The following PCDHGA5 variants were observed in gnomAD, a reference collection of about 807,000 sequenced individuals.
PCDHGA5 encodes protocadherin gamma subfamily A, 5.
In PCDHGA5, 36 loss-of-function variants were observed where a neutral mutation model predicts 56.7. That is an observed-to-expected ratio of 0.64 (90% CI 0.49 to 0.84). The LOEUF (loss-of-function observed/expected upper bound fraction) is 0.84, where lower values mean the gene tolerates loss of function less well. PCDHGA5 is among the 40% of genes least tolerant of loss of function. The probability of loss-of-function intolerance (pLI) is 0.00; values close to 1 mark genes in which losing one functional copy is unlikely to be tolerated. For synonymous variants in PCDHGA5, 563 were observed against 520.2 expected (o/e 1.08, Z -1.12); for missense variants, 1,305 against 1,201.5 (o/e 1.09, Z -1.27).
intron 1 of PCDHGA5, chr5:141,433,250 G>A: frequency 1.4e-6 from 2 of 1,440,892 alleles, no homozygotes; most frequent in Non-Finnish European, 1.9e-6. Flanking sequence ...CTGGAATGCA[G>A]CGGTACGATC....
At chr5:141,415,023 C>A (rs1213037511) in intron 1 of PCDHGA5, 1 of 1,613,530 alleles carries the variant, frequency 6.2e-7, no homozygotes, top group East Asian at 2.2e-5. Flanking sequence ...TCAAGGCCAG[C>A]GAGCCGGGAC....
intron 1 of PCDHGA5, chr5:141,392,144 A>G (rs1172213450): frequency 6.6e-6 from 1 of 152,224 alleles, no homozygotes; most frequent in Admixed American, 6.5e-5. Flanking sequence ...AGTAGTTTAA[A>G]CCAAATAAAA....
intron 1 of PCDHGA5, among the ~76,000 whole-genome samples, chr5:141,467,414 C>A (rs1410743140): frequency 6.6e-5 from 10 of 152,168 alleles, no homozygotes; most frequent in African/African-American, 1.2e-4. Flanking sequence ...CCTTTCCCCA[C>A]ACCTAGGTTA....
intron 3 of PCDHGA5, among the ~76,000 whole-genome samples, chr5:141,510,147 C>T (rs1416633745): frequency 1.3e-5 from 2 of 151,984 alleles, no homozygotes; most frequent in Non-Finnish European, 2.9e-5. Flanking sequence ...GTGGTGTGCA[C>T]CTGTAATCTC....
chr5:141,444,350 T>C (rs1021358194), intron 1 of PCDHGA5, among the ~76,000 whole-genome samples: 7 of 151,946 alleles, frequency 4.6e-5, no homozygotes, highest in Admixed American at 2.0e-4. Context: ...TTTGTATTTT[T>C]AGTAGAGACG....
chr5:141,374,273 G>A, intron 1 of PCDHGA5: 1 of 1,614,012 alleles, frequency 6.2e-7, no homozygotes, highest in South Asian at 1.1e-5. Flanking sequence ...GGAGCACGGA[G>A]TCCGCATCGT....
rs1158935683 is a variant in PCDHGA5, at chr5:141,365,482, C to T, written c.1152C>T (p.Cys384=). The change falls in exon 1 of 4, where the codon TGC becomes TGT. Residue 384 remains cysteine, a synonymous_variant. Transcript: ENST00000518069. The stretch of plus-strand genomic sequence containing the variant: ...CTGGAGAAAATGGTGAGATTGCATG[C>T]TCTATTCCTAGGAATTTGCCTTTTA... ...GDSGENGEIA[C]SIPRNLPFKL... is the part of the protein sequence containing the mutation. 2 of 1,613,836 alleles carry T rather than the reference C, an allele frequency of 1.2e-6. No individual in the cohort carries two copies. Among genetic ancestry groups the T allele is most frequent in the Non-Finnish European group, 1.7e-6 (2 of 1,179,894 alleles).
At chr5:141,495,213 C>T (rs568314100) in intron 2 of PCDHGA5, among the ~76,000 whole-genome samples, 1 of 152,326 alleles carries the variant, frequency 6.6e-6, no homozygotes, top group South Asian at 2.1e-4. Flanking sequence ...AACCCCCTCC[C>T]CTGAGTTGAG....
At chr5:141,398,396 T>A (rs1191920974) in intron 1 of PCDHGA5, 1 of 1,465,660 alleles carries the variant, frequency 6.8e-7, no homozygotes, top group South Asian at 1.2e-5. Flanking sequence ...AGCAGCAGGC[T>A]AGACAGGGAG....
At position 141,510,965 on chromosome 5, in the gene PCDHGA5, C is replaced by T. The variant is rs1473736492; in HGVS notation, c.2588C>T (p.Ser863Phe). The T allele has an allele frequency of 3.1e-6, 5 of 1,614,026 alleles. No homozygotes were observed. The highest frequency in any genetic ancestry group is 4.2e-6 in the Non-Finnish European group (5 of 1,180,020). The change falls in exon 4 of 4, where the codon TCC becomes TTC. Residue 863 changes from serine (S) to phenylalanine (F), a missense_variant. Transcript: ENST00000518069. ...TCTGCAGAAGCTGCTGATGGGAGCT[C>T]CACCCTGGGAGGGGGTGCCGGCACC... ...ASASEAADGS[S>F]TLGGGAGTMG...
At chr5:141,410,430 A>G in intron 1 of PCDHGA5, 1 of 1,613,976 alleles carries the variant, frequency 6.2e-7, no homozygotes, top group Middle Eastern at 1.6e-4. Context: ...CCCCCCAACT[A>G]CAGTGAGGGG....
At position 141,489,295 on chromosome 5, in the gene PCDHGA5, T is replaced by C. The variant is rs2099685128; in HGVS notation, c.2422-5512T>C. 1.3e-6 allele frequency: 2 copies of C among 1,581,054 alleles called. No individual in the cohort carries two copies. The highest frequency in any genetic ancestry group is 1.7e-5 in the Admixed American group (1 of 57,148). ...TGGGAAATGGCAAGTGCTGTGCATG[T>C]TGTCCTTGTGCTGCTGGGGCTGGGT... On this transcript the variant is annotated intron_variant, in intron 1 of 3. Transcript: ENST00000518069. The surrounding 1 kb of genome is among the most constrained non-coding windows in gnomAD (Gnocchi z 4.5).
chr5:141,371,780 T>C, intron 1 of PCDHGA5: 6 of 1,613,990 alleles, frequency 3.7e-6, no homozygotes, highest in Non-Finnish European at 5.1e-6. Context: ...TGCATGTAGC[T>C]GAGAACAATC....
chr5:141,501,182 C>A (rs531641143), intron 2 of PCDHGA5, among the ~76,000 whole-genome samples: 1 of 152,126 alleles, frequency 6.6e-6, no homozygotes, highest in Non-Finnish European at 1.5e-5. Context: ...TACATTTTAA[C>A]ACAATTAAAT....
chr5:141,509,516 T>C (rs2099877144), intron 3 of PCDHGA5, among the ~76,000 whole-genome samples: 1 of 152,130 alleles, frequency 6.6e-6, no homozygotes, highest in Non-Finnish European at 1.5e-5. Context: ...GTGTTGATGA[T>C]GTATTGCACA....
At chr5:141,427,707 T>C in intron 1 of PCDHGA5, 1 of 1,011,828 alleles carries the variant, frequency 9.9e-7, no homozygotes, top group Non-Finnish European at 1.5e-6. Context: ...AGTCAGCGCC[T>C]CTGACCTGGA....
rs1048742374 is a variant in PCDHGA5 at position 141,365,077 on chromosome 5, G to C, written c.747G>C (p.Val249=). The C allele has an allele frequency of 6.2e-7, 1 of 1,613,842 alleles. No individual in the cohort carries two copies. The stretch of plus-strand genomic sequence containing the variant: ...TGTTCACCCCATCCGAGTACAGCGT[G>C]AGTGTTCCAGAGAACATACCTGTGG... The part of the protein sequence containing the change: ...APLFTPSEYS[V]SVPENIPVGT... The change falls in exon 1 of 4, where the codon GTG becomes GTC. Residue 249 remains valine (V), a synonymous_variant. Coordinates refer to ENST00000518069, the MANE Select transcript of PCDHGA5 (RefSeq NM_018918.3).
rs1376798925 is a variant in PCDHGA5, at chr5:141,366,035, A to G, written c.1705A>G (p.Thr569Ala). ...TGAGATCCTGTACCCCGCCCTCCCC[A>G]CAGACGGTTCCACGGGCGTGGAGCT... ...TPEILYPALP[T>A]DGSTGVELAP... Residue 569 changes from threonine (T) to alanine (A), a missense_variant, in exon 1 of 4, where the codon ACA (threonine) becomes GCA (alanine). Physicochemically the swap from Thr to Ala is moderately conservative, Grantham distance 58. Transcript: ENST00000518069. 1.2e-6 allele frequency: 2 copies of G among 1,614,210 alleles called. No individual in the cohort carries two copies. The highest frequency in any genetic ancestry group is 1.7e-5 in the Admixed American group (1 of 60,022).
Position 141,409,903 on chromosome 5 carries a change from G to C in PCDHGA5, c.2421+43152G>C, listed in dbSNP as rs570063514. 6.2e-6 allele frequency: 10 copies of C among 1,613,268 alleles called. No individual in the cohort carries two copies. The South Asian group carries it at 9.9e-5, about 16-fold the overall frequency. ...CACCGCGGGTGCTGTACCCAGCTCTGGGTCCTGACGGCTCCGCGTTCTTCG... is the reference window on the plus strand; with the variant it reads ...CACCGCGGGTGCTGTACCCAGCTCTCGGTCCTGACGGCTCCGCGTTCTTCG... On this transcript the variant is annotated intron_variant, in intron 1 of 3. Coordinates refer to ENST00000518069, the MANE Select transcript of PCDHGA5 (RefSeq NM_018918.3).
Sources: gnomAD v4.1 joint callset for allele counts (sites outside exome capture counted in the v4.1 genomes callset) on GRCh38, gnomAD v4.1.1 for gene constraint, Gnocchi (gnomAD v3.1) non-coding constraint, MANE v1.5 for transcripts, NCBI Gene and HGNC (gene_info 2026-07-23, HGNC 2026-07-21) for gene names.